The following FGF2 variants were observed in gnomAD, a reference collection of about 807,000 sequenced individuals.
FGF2 encodes the protein basic fibroblast growth factor bFGF.
In FGF2, 13 loss-of-function variants were observed where a neutral mutation model predicts 15.9. That is an observed-to-expected ratio of 0.82 (90% CI 0.53 to 1.30). The LOEUF is 1.30. Ranked by LOEUF, FGF2 falls within the 50% of genes most tolerant of loss-of-function variation. The pLI is 0.00. For missense variants in FGF2, 163 were observed against 196.9 expected, an observed-to-expected ratio of 0.83 and a Z score of 1.03; for synonymous variants, 90 against 78.4, an observed-to-expected ratio of 1.15 and a Z score of -0.78.
intron 1 of FGF2, among the ~76,000 whole-genome samples, chr4:122,844,569 CTTTTT>C (rs1560740236): frequency 0.016 from 2,062 of 128,058 alleles, 25 homozygotes; most frequent in South Asian, 0.025. Flanking sequence ...TTCTTTCTTT[CTTTTT>C]CTTTCTTTCT....
At chr4:122,844,711 C>A (rs116599947) in intron 1 of FGF2, among the ~76,000 whole-genome samples, 1,718 of 151,388 alleles carry the variant, frequency 0.011, 37 homozygotes, top group African/African-American at 0.04. Context: ...GTCATGGCTC[C>A]CTGCAGCCTT....
chr4:122,891,063 C>T (rs1288801262), intron 2 of FGF2, among the ~76,000 whole-genome samples: 3 of 131,576 alleles, frequency 2.3e-5, no homozygotes, highest in Non-Finnish European at 4.7e-5. Context: ...TTTTTTGAGA[C>T]GGAGTCTCGC....
At chr4:122,862,598 A>G (rs1451590408) in intron 1 of FGF2, among the ~76,000 whole-genome samples, 1 of 152,172 alleles carries the variant, frequency 6.6e-6, no homozygotes, top group East Asian at 1.9e-4. Context: ...TTTTAGAAAG[A>G]TTGTGTCAAT....
chr4:122,855,830 T>A (rs1726328851), intron 1 of FGF2, among the ~76,000 whole-genome samples: 3 of 152,212 alleles, frequency 2.0e-5, no homozygotes, highest in African/African-American at 7.2e-5. Flanking sequence ...AGGAACAATT[T>A]TTGTCTTTAA....
At chr4:122,848,447 C>T (rs575649927) in intron 1 of FGF2, among the ~76,000 whole-genome samples, 3 of 152,210 alleles carry the variant, frequency 2.0e-5, no homozygotes, top group Non-Finnish European at 2.9e-5. Flanking sequence ...TCACAGTGAT[C>T]GTGATGTGGA....
chr4:122,892,814 AT>A lies in FGF2; in HGVS notation c.*419del. The A allele has an allele frequency of 6.4e-7, 1 of 1,573,238 alleles. No homozygotes were observed. Among genetic ancestry groups the A allele is most frequent in the East Asian group, 2.2e-5 (1 of 44,734 alleles). The stretch of plus-strand genomic sequence containing the variant: ...TTCGTTAGTCTACATGTTTCTAAAC[AT>A]ATAAATGTGAATTTAATCAATTCCT... On this transcript the variant is annotated 3_prime_UTR_variant, in exon 3 of 3. Transcript: ENST00000644866.
chr4:122,891,053 T>TTTTTTA (rs1560760242), intron 2 of FGF2, among the ~76,000 whole-genome samples: 2 of 143,398 alleles, frequency 1.4e-5, no homozygotes, highest in East Asian at 2.3e-4. Flanking sequence ...TTTGTTTTGT[T>TTTTTTA]TTTTTGAGAC....
chr4:122,892,980 C>G lies in FGF2; in HGVS notation c.*584C>G. On this transcript the variant is annotated 3_prime_UTR_variant, in exon 3 of 3. Coordinates refer to ENST00000644866, the MANE Select transcript of FGF2 (RefSeq NM_001361665.2). The stretch of plus-strand genomic sequence containing the variant: ...TACCCATACAGCAGCAGCCTAGCAA[C>G]TCTGCTGGTGATGGGAGTTGTATTT... 6.2e-7 allele frequency: 1 copy of G among 1,614,170 alleles called. No individual in the cohort carries two copies. Among genetic ancestry groups the G allele is most frequent in the Non-Finnish European group, 8.5e-7 (1 of 1,180,036 alleles).
intron 1 of FGF2, among the ~76,000 whole-genome samples, chr4:122,831,638 AG>A (rs1725768623): frequency 6.6e-6 from 1 of 152,258 alleles, no homozygotes; most frequent in Non-Finnish European, 1.5e-5. Context: ...CAGCAATGAA[AG>A]GACAATTCAT....
At chr4:122,879,465 A>G (rs150586576) in intron 2 of FGF2, among the ~76,000 whole-genome samples, 6 of 152,348 alleles carry the variant, frequency 3.9e-5, no homozygotes, top group Non-Finnish European at 8.8e-5. Context: ...TATGGACAGC[A>G]CTAATAAAAT....
intron 1 of FGF2, among the ~76,000 whole-genome samples, chr4:122,829,707 C>T (rs1039536468): frequency 6.6e-6 from 1 of 152,162 alleles, no homozygotes; most frequent in Non-Finnish European, 1.5e-5. Context: ...CCCAACTTCC[C>T]ACCCTTTCTT....
intron 1 of FGF2, among the ~76,000 whole-genome samples, chr4:122,852,988 C>T (rs2150772449): frequency 6.6e-6 from 1 of 152,234 alleles, no homozygotes; most frequent in Middle Eastern, 3.4e-3. Flanking sequence ...ATTTATCTTG[C>T]TCTGCACCAT....
At chr4:122,850,070 T>G (rs1488149889) in intron 1 of FGF2, among the ~76,000 whole-genome samples, 1 of 152,138 alleles carries the variant, frequency 6.6e-6, no homozygotes, top group Non-Finnish European at 1.5e-5. Context: ...GAGACCAGCC[T>G]GGGCAACATG....
At chr4:122,880,127 C>A (rs867805185) in intron 2 of FGF2, among the ~76,000 whole-genome samples, 3 of 152,252 alleles carry the variant, frequency 2.0e-5, no homozygotes, top group African/African-American at 7.2e-5. Flanking sequence ...AGTTACTTCC[C>A]AGATACAATG....
intron 1 of FGF2, among the ~76,000 whole-genome samples, chr4:122,844,972 T>C (rs926621461): frequency 1.3e-5 from 2 of 152,194 alleles, no homozygotes; most frequent in Non-Finnish European, 2.9e-5. Context: ...CCCAGATCCA[T>C]TGGAGGAATT....
intron 1 of FGF2, among the ~76,000 whole-genome samples, chr4:122,855,121 C>T (rs1001958503): frequency 6.6e-6 from 1 of 152,108 alleles, no homozygotes; most frequent in Non-Finnish European, 1.5e-5. Flanking sequence ...TGGCATTCAC[C>T]CCTAGGGAAA....
chr4:122,892,718 G>C lies in FGF2; in HGVS notation c.*322G>C. On this transcript the variant is annotated 3_prime_UTR_variant, in exon 3 of 3. Coordinates refer to ENST00000644866, the MANE Select transcript of FGF2 (RefSeq NM_001361665.2). The stretch of plus-strand genomic sequence containing the variant: ...TGTTTAGAAACAAAATTTCTTCATG[G>C]AAATCATATACATTAGAAAATCACA... The C allele has an allele frequency of 7.4e-7, 1 of 1,343,022 alleles. No individual in the cohort carries two copies. The highest frequency in any genetic ancestry group is 9.9e-7 in the Non-Finnish European group (1 of 1,006,962). 83.2% of individuals were successfully genotyped at this position (1,343,022 alleles called of 1,614,324 possible). A position where few individuals can be genotyped will look rare whatever the true frequency, so the allele number is the denominator to read the frequency against.
chr4:122,852,508 C>A (rs950460127), intron 1 of FGF2, among the ~76,000 whole-genome samples: 5 of 152,202 alleles, frequency 3.3e-5, no homozygotes, highest in African/African-American at 1.2e-4. Flanking sequence ...GGAAGAGCTA[C>A]AGAAGATATA....
intron 2 of FGF2, among the ~76,000 whole-genome samples, chr4:122,877,882 G>C (rs372405030): frequency 1.3e-5 from 2 of 152,224 alleles, no homozygotes; most frequent in African/African-American, 4.8e-5. Context: ...CAGACTGACT[G>C]TATGACAAAG....
Sources: gnomAD v4.1 joint callset for allele counts (sites outside exome capture counted in the v4.1 genomes callset) on GRCh38, gnomAD v4.1.1 for gene constraint, MANE v1.5 for transcripts, NCBI Gene and HGNC (gene_info 2026-07-23, HGNC 2026-07-21) for gene names.